MAP4: variants seen among roughly 807,000 people sequenced by gnomAD.
The protein encoded by MAP4 is microtubule-associated protein 4.
In MAP4, 76 loss-of-function variants were observed where a neutral mutation model predicts 170.2. The ratio of observed to expected loss-of-function variants is 0.45; its 90% CI spans 0.37 to 0.54. MAP4 has a LOEUF of 0.54. Among genes scored for constraint, MAP4 ranks in the 20% least tolerant of loss-of-function variants. The probability of loss-of-function intolerance (pLI) is 0.00; values close to 1 mark genes in which losing one functional copy is unlikely to be tolerated. For synonymous variants in MAP4, 909 were observed against 994.5 expected (o/e 0.91, Z 1.62); for missense variants, 2,506 against 2,748.0 (o/e 0.91, Z 1.97).
chr3:47,871,977 C>T lies in MAP4; in HGVS notation c.5881G>A (p.Val1961Ile), dbSNP rs1179609267. The T allele has an allele frequency of 6.2e-7, 1 of 1,613,978 alleles. No homozygotes were observed. Among genetic ancestry groups the T allele is most frequent in the Admixed American group, 1.7e-5 (1 of 60,014 alleles). ...TVAKTTTAAA[V>I]ASTGPSSRSP... ...CTACTGCTTGGGCCAGTTGAGGCAA[C>T]AGCAGCAGCTGTTGTGGTTTTTGCA... The change falls in exon 13 of 21, where the codon GTT becomes ATT. Residue 1961 changes from valine to isoleucine, a missense_variant. Physicochemically the swap from Val to Ile is conservative, Grantham distance 29 (BLOSUM62 3). This residue lies in a region of MAP4 where 487 missense variants were observed against 511.6 expected (regional missense o/e 0.95). Transcript: ENST00000683076.
At chr3:47,908,482 CA>C (rs2153473379) in intron 9 of MAP4, among the ~76,000 whole-genome samples, 1 of 152,276 alleles carries the variant, frequency 6.6e-6, no homozygotes, top group African/African-American at 2.4e-5. Flanking sequence ...ACTAGAAACA[CA>C]AATAAATCGG....
At chr3:47,943,522 T>C (rs2100057801) in intron 3 of MAP4, among the ~76,000 whole-genome samples, 2 of 152,030 alleles carry the variant, frequency 1.3e-5, no homozygotes, top group African/African-American at 4.8e-5. Flanking sequence ...GGCAGAAGAA[T>C]TGCTTGAACT....
chr3:47,937,270 T>C (rs1433951847), intron 3 of MAP4, among the ~76,000 whole-genome samples: 1 of 152,184 alleles, frequency 6.6e-6, no homozygotes, highest in African/African-American at 2.4e-5. Flanking sequence ...TACTTGGTCA[T>C]TTAAGTAGAT....
chr3:47,926,761 C>T (rs1285869880), intron 4 of MAP4, among the ~76,000 whole-genome samples: 1 of 152,138 alleles, frequency 6.6e-6, no homozygotes, highest in Non-Finnish European at 1.5e-5. Flanking sequence ...GTCTCAAACT[C>T]TTGGCCTCAA....
intron 10 of MAP4, among the ~76,000 whole-genome samples, chr3:47,893,685 C>T (rs1317000448): frequency 1.2e-4 from 18 of 151,608 alleles, no homozygotes; most frequent in Non-Finnish European, 2.4e-4. Context: ...CTTGCAATAA[C>T]ATAGCATACT....
In MAP4 at chr3:47,872,104, G is replaced by A. The variant is rs770375025; in HGVS notation, c.5758-4C>T. 8 of 1,603,216 alleles carry A rather than the reference G, an allele frequency of 5.0e-6. No individual in the cohort carries two copies. Among genetic ancestry groups the A allele is most frequent in the Non-Finnish European group, 6.0e-6 (7 of 1,173,136 alleles). On this transcript the variant is annotated splice_polypyrimidine_tract_variant and splice_region_variant and intron_variant, in intron 12 of 20. Coordinates refer to ENST00000683076, the MANE Select transcript of MAP4 (RefSeq NM_001385682.1). ...GAGCCTTTGCATCTGCAATGGGCTGGAAATAGGAAAGTGGGAATGAGGCCT... is the reference window on the plus strand; with the variant it reads ...GAGCCTTTGCATCTGCAATGGGCTGAAAATAGGAAAGTGGGAATGAGGCCT...
At chr3:47,952,282 GC>G (rs1240443427) in intron 3 of MAP4, among the ~76,000 whole-genome samples, 1 of 150,574 alleles carries the variant, frequency 6.6e-6, no homozygotes, top group Non-Finnish European at 1.5e-5. Flanking sequence ...CCCCCGCCCG[GC>G]CAGCCGCCCC....
rs1453661145 is a variant in MAP4, at chr3:47,852,169, C to T, written c.*765G>A. On this transcript the variant is annotated 3_prime_UTR_variant, in exon 21 of 21. Transcript: ENST00000683076. ...GCATAAGGATATCTCCGCCCTGTTC[C>T]CTCTAACACTTACTGAGGACTTTCA... The T allele has an allele frequency of 1.3e-5, 2 of 152,630 alleles. No homozygotes were observed. The highest frequency in any genetic ancestry group is 2.9e-5 in the Non-Finnish European group (2 of 68,342). 9.5% of individuals were successfully genotyped at this position (152,630 alleles called of 1,614,324 possible). A position where few individuals can be genotyped will look rare whatever the true frequency, so the allele number is the denominator to read the frequency against.
At chr3:48,064,616 C>T (rs148058036) in intron 1 of MAP4, among the ~76,000 whole-genome samples, 13 of 152,198 alleles carry the variant, frequency 8.5e-5, no homozygotes, top group Non-Finnish European at 1.9e-4. Flanking sequence ...AAGGTGACCC[C>T]GTTGGGTGGT....
intron 1 of MAP4, among the ~76,000 whole-genome samples, chr3:48,062,494 T>TAAAAAAAAAAAAA (rs1156947592): frequency 4.9e-5 from 4 of 81,530 alleles, no homozygotes; most frequent in Admixed American, 1.6e-4. Context: ...GAATGATCAA[T>TAAAAAAAAAAAAA]AAAAAAAAAA....
At chr3:48,019,998 C>T (rs1193897698), upstream of MAP4, among the ~76,000 whole-genome samples, 3 of 152,108 alleles carry the variant, frequency 2.0e-5, no homozygotes, top group Non-Finnish European at 4.4e-5. Context: ...ATTTGTGCTG[C>T]CAATTCTATA....
At chr3:48,076,699 G>A (rs771175800) in intron 1 of MAP4, among the ~76,000 whole-genome samples, 1 of 151,536 alleles carries the variant, frequency 6.6e-6, no homozygotes, top group Non-Finnish European at 1.5e-5. Flanking sequence ...AAGAACGAAC[G>A]AACGAAAGAA....
chr3:47,924,676 G>A (rs2100044797), intron 4 of MAP4, among the ~76,000 whole-genome samples: 1 of 152,094 alleles, frequency 6.6e-6, no homozygotes, highest in Non-Finnish European at 1.5e-5. Flanking sequence ...ACCTGACTGG[G>A]GCTGCAGAAC....
At chr3:47,895,406 C>T (rs1448576518) in intron 10 of MAP4, among the ~76,000 whole-genome samples, 1 of 152,220 alleles carries the variant, frequency 6.6e-6, no homozygotes, top group Middle Eastern at 3.2e-3. Flanking sequence ...ATCACAGGCC[C>T]ACTGCTATGT....
intron 19 of MAP4, among the ~76,000 whole-genome samples, chr3:47,853,731 C>T (rs926121852): frequency 8.5e-5 from 13 of 152,176 alleles, no homozygotes; most frequent in African/African-American, 3.1e-4. Context: ...GCCCACCCTC[C>T]CAAACCCTCC....
chr3:47,930,770 CA>C (rs898997912), intron 3 of MAP4, among the ~76,000 whole-genome samples: 1 of 149,122 alleles, frequency 6.7e-6, no homozygotes, highest in Non-Finnish European at 1.5e-5. Flanking sequence ...ACTACAAATA[CA>C]AAAAAAAATT....
At chr3:47,994,652 C>T (rs892858019) in intron 2 of MAP4, among the ~76,000 whole-genome samples, 1 of 152,158 alleles carries the variant, frequency 6.6e-6, no homozygotes, top group Non-Finnish European at 1.5e-5. Flanking sequence ...AAATTAAATC[C>T]TCCCTGCTAC....
At chr3:48,071,665 C>T (rs1451973095) in intron 1 of MAP4, among the ~76,000 whole-genome samples, 1 of 152,178 alleles carries the variant, frequency 6.6e-6, no homozygotes, top group Non-Finnish European at 1.5e-5. Context: ...TCGCTCACAC[C>T]TGTAACTCCA....
intron 3 of MAP4, among the ~76,000 whole-genome samples, chr3:47,954,746 G>T (rs2100066645): frequency 6.6e-6 from 1 of 152,208 alleles, no homozygotes; most frequent in South Asian, 2.1e-4. Flanking sequence ...AGTGAGTGCT[G>T]ACAGTGGTCA....
Sources: allele counts gnomAD v4.1 joint callset (sites outside exome capture counted in the v4.1 genomes callset), GRCh38; gene constraint gnomAD v4.1.1; regional missense constraint gnomAD v4.1.1; transcripts MANE v1.5; gene names NCBI Gene and HGNC (gene_info 2026-07-23, HGNC 2026-07-21).